Variants in CATSPERT observed in about 807,000 individuals in gnomAD.
CATSPERT encodes the protein cation channel sperm-associated targeting subunit tau.
chr2:201,533,198 T>C, the CATSPERT span, among the ~76,000 whole-genome samples: 1 of 152,256 alleles, frequency 6.6e-6, no homozygotes, highest in South Asian at 2.1e-4. Flanking sequence ...CATCTTAGAC[T>C]GAAAGGAACA....
the CATSPERT span, among the ~76,000 whole-genome samples, chr2:201,567,314 C>T: frequency 2.6e-5 from 4 of 152,106 alleles, no homozygotes; most frequent in African/African-American, 7.2e-5. Context: ...AAATATTTTA[C>T]GAATTAGTTT....
the CATSPERT span, chr2:201,494,568 C>T: frequency 6.5e-7 from 1 of 1,536,854 alleles, no homozygotes. Context: ...GGTCATGGGC[C>T]CAGGTTGTAT....
At chr2:201,505,834 T>C in the CATSPERT span, among the ~76,000 whole-genome samples, 2 of 152,176 alleles carry the variant, frequency 1.3e-5, no homozygotes, top group Non-Finnish European at 2.9e-5. Flanking sequence ...AAATGTACTA[T>C]GGTAATGTAA....
chr2:201,604,573 A>G, the CATSPERT span: 2 of 1,311,838 alleles, frequency 1.5e-6, no homozygotes, highest in African/African-American at 1.5e-5. Context: ...CAAATAATAA[A>G]TAACTTATAC....
chr2:201,573,593 T>C, the CATSPERT span, among the ~76,000 whole-genome samples: 2 of 152,312 alleles, frequency 1.3e-5, no homozygotes, highest in South Asian at 4.1e-4. Context: ...TCCACACTGA[T>C]TTCTTGAATA....
At chr2:201,501,669 AAAAG>A in the CATSPERT span, among the ~76,000 whole-genome samples, 2 of 152,170 alleles carry the variant, frequency 1.3e-5, no homozygotes, top group South Asian at 2.1e-4. Context: ...GATTAAGAAA[AAAAG>A]AAAGACTCAA....
At chr2:201,609,323 C>T in the CATSPERT span, among the ~76,000 whole-genome samples, 2 of 152,100 alleles carry the variant, frequency 1.3e-5, no homozygotes, top group Non-Finnish European at 2.9e-5. Flanking sequence ...ATTTAAATTA[C>T]ACATTAAACC....
chr2:201,603,609 C>A, the CATSPERT span, among the ~76,000 whole-genome samples: 4 of 152,240 alleles, frequency 2.6e-5, no homozygotes, highest in South Asian at 6.2e-4. Flanking sequence ...AAATATAGCA[C>A]CCTGCATATA....
At chr2:201,579,079 C>A in the CATSPERT span, among the ~76,000 whole-genome samples, 1 of 152,020 alleles carries the variant, frequency 6.6e-6, no homozygotes, top group Admixed American at 6.6e-5. Context: ...TCTTCACTCC[C>A]AATGTTTACC....
At chr2:201,523,089 T>C in the CATSPERT span, among the ~76,000 whole-genome samples, 1 of 152,232 alleles carries the variant, frequency 6.6e-6, no homozygotes, top group African/African-American at 2.4e-5. Flanking sequence ...CCCCCACCAC[T>C]TTGCCAGCAC....
the CATSPERT span, chr2:201,535,643 C>A: frequency 8.7e-7 from 1 of 1,149,072 alleles, no homozygotes; most frequent in Non-Finnish European, 1.1e-6. Context: ...CATCTCAAAT[C>A]ACTTTGCTTT....
chr2:201,614,373 C>T, the CATSPERT span, among the ~76,000 whole-genome samples: 2 of 152,324 alleles, frequency 1.3e-5, no homozygotes, highest in African/African-American at 4.8e-5. Flanking sequence ...GGCAGAAACT[C>T]TACAAGCCAG....
At chr2:201,492,289 A>G in the CATSPERT span, 1 of 1,534,498 alleles carries the variant, frequency 6.5e-7, no homozygotes, top group Non-Finnish European at 8.7e-7. Context: ...AAGCAAATTT[A>G]TATGCTGGTT....
At chr2:201,560,511 G>C in the CATSPERT span, among the ~76,000 whole-genome samples, 2 of 151,166 alleles carry the variant, frequency 1.3e-5, no homozygotes, top group African/African-American at 4.8e-5. Flanking sequence ...GTACAATAGA[G>C]ACCAGGCCAC....
the CATSPERT span, among the ~76,000 whole-genome samples, chr2:201,514,580 A>T: frequency 6.6e-6 from 1 of 152,210 alleles, no homozygotes; most frequent in Non-Finnish European, 1.5e-5. Flanking sequence ...AACATCAAAC[A>T]TAATGGTGTA....
the CATSPERT span, among the ~76,000 whole-genome samples, chr2:201,541,749 C>A: frequency 6.6e-6 from 1 of 151,564 alleles, no homozygotes; most frequent in Non-Finnish European, 1.5e-5. Context: ...GCGTGAGCGA[C>A]CACACCCTGC....
chr2:201,611,498 T>G, the CATSPERT span, among the ~76,000 whole-genome samples: 1 of 152,070 alleles, frequency 6.6e-6, no homozygotes, highest in South Asian at 2.1e-4. Flanking sequence ...ACAATAAATA[T>G]CTACATCAAA....
chr2:201,581,604 ATT>A, the CATSPERT span, among the ~76,000 whole-genome samples: 1 of 107,258 alleles, frequency 9.3e-6, no homozygotes, highest in Non-Finnish European at 1.8e-5. Context: ...ACACATACAT[ATT>A]CTGGAAAATA....
the CATSPERT span, among the ~76,000 whole-genome samples, chr2:201,560,818 T>C: frequency 2.0e-5 from 3 of 151,914 alleles, no homozygotes; most frequent in Admixed American, 6.6e-5. Flanking sequence ...AGTCTTGTTC[T>C]GTCGCCCAGG....
Sources: gnomAD v4.1 joint callset for allele counts (sites outside exome capture counted in the v4.1 genomes callset) on GRCh38, gnomAD v4.1.1 for gene constraint, MANE v1.5 for transcripts, NCBI Gene and HGNC (gene_info 2026-07-23, HGNC 2026-07-21) for gene names.